The following CTNNA3 variants were observed in gnomAD, a reference collection of about 807,000 sequenced individuals.
The protein encoded by CTNNA3 is catenin alpha-3.
In CTNNA3, 76 loss-of-function variants were observed where a neutral mutation model predicts 95.7. That is an observed-to-expected ratio of 0.79 (90% CI 0.66 to 0.96). The LOEUF (loss-of-function observed/expected upper bound fraction) is 0.96, where lower values mean the gene tolerates loss of function less well. Among genes scored for constraint, CTNNA3 ranks in the 40% least tolerant of loss-of-function variants. CTNNA3 has a pLI of 0.00. For synonymous variants in CTNNA3, 431 were observed against 374.4 expected (o/e 1.15, Z -1.74); for missense variants, 1,191 against 1,089.8 (o/e 1.09, Z -1.31).
chr10:67,403,580 AGGGG>A (rs543103509), intron 5 of CTNNA3, among the ~76,000 whole-genome samples: 217 of 152,324 alleles, frequency 1.4e-3, no homozygotes, highest in African/African-American at 5.0e-3. Flanking sequence ...TGGAGTGCCC[AGGGG>A]GCCAGGTGGG....
chr10:67,280,095 A>G (rs974224520), intron 5 of CTNNA3, among the ~76,000 whole-genome samples: 1 of 150,410 alleles, frequency 6.6e-6, no homozygotes, highest in African/African-American at 2.5e-5. Flanking sequence ...TTTAAATTAA[A>G]GGATATCAAA....
At chr10:66,148,769 G>T (rs1455279766) in intron 13 of CTNNA3, among the ~76,000 whole-genome samples, 2 of 151,976 alleles carry the variant, frequency 1.3e-5, no homozygotes, top group African/African-American at 2.4e-5. Context: ...GCAGGAGCAG[G>T]TTCAGGCTAA....
intron 12 of CTNNA3, among the ~76,000 whole-genome samples, chr10:66,286,755 C>T (rs1012748850): frequency 4.0e-5 from 6 of 151,860 alleles, no homozygotes; most frequent in South Asian, 2.1e-4. Flanking sequence ...GCTGGGGATT[C>T]CTTGGCTGAA....
chr10:66,765,356 A>G (rs1267813485), intron 9 of CTNNA3, among the ~76,000 whole-genome samples: 1 of 152,192 alleles, frequency 6.6e-6, no homozygotes, highest in Non-Finnish European at 1.5e-5. Context: ...AGAATTCATG[A>G]CTGGTATAGG....
chr10:67,323,122 T>C lies in CTNNA3; in HGVS notation c.580-103252A>G, dbSNP rs567249184. Among the ~76,000 whole-genome samples the C allele has an allele frequency of 3.3e-4, 50 of 152,348 alleles. 1 individual carries two copies. In the South Asian group the frequency reaches 9.9e-3, roughly 30 times the overall value. On this transcript the variant is annotated intron_variant, in intron 5 of 17. Coordinates refer to ENST00000433211, the MANE Select transcript of CTNNA3 (RefSeq NM_013266.4). Reference sequence around the variant, plus strand: ...CTTATAAATGTTGGATGTTAGACCTTTGACAGATGCATAGTTTGCTAAAAT... The same window carrying C: ...CTTATAAATGTTGGATGTTAGACCTCTGACAGATGCATAGTTTGCTAAAAT...
intron 13 of CTNNA3, among the ~76,000 whole-genome samples, chr10:66,160,952 A>T (rs1227819592): frequency 1.3e-5 from 2 of 152,046 alleles, no homozygotes. Context: ...TGTCTCTTTT[A>T]ACTGCTGTTG....
intron 11 of CTNNA3, among the ~76,000 whole-genome samples, chr10:66,383,771 A>C (rs1020508634): frequency 7.2e-5 from 11 of 152,232 alleles, no homozygotes; most frequent in Non-Finnish European, 1.2e-4. Context: ...TACAAGCCAG[A>C]AGAGAGTAGG....
intron 17 of CTNNA3, among the ~76,000 whole-genome samples, chr10:65,939,634 C>A (rs985760938): frequency 2.0e-5 from 3 of 152,138 alleles, no homozygotes; most frequent in African/African-American, 7.2e-5. Context: ...TTTTTTGAGT[C>A]TGTCCTATAA....
intron 5 of CTNNA3, among the ~76,000 whole-genome samples, chr10:67,247,690 G>A (rs1865953657): frequency 6.6e-6 from 1 of 152,044 alleles, no homozygotes; most frequent in African/African-American, 2.4e-5. Flanking sequence ...GAAAATGTAA[G>A]GGACTCAGAA....
intron 7 of CTNNA3, among the ~76,000 whole-genome samples, chr10:67,174,553 A>G (rs903449441): frequency 2.0e-5 from 3 of 152,226 alleles, no homozygotes; most frequent in Admixed American, 6.5e-5. Context: ...CAGAAAAATA[A>G]TAGCTGAAAC....
At chr10:67,461,570 G>T (rs1847381631) in intron 5 of CTNNA3, among the ~76,000 whole-genome samples, 2 of 152,030 alleles carry the variant, frequency 1.3e-5, no homozygotes, top group African/African-American at 4.8e-5. Context: ...TCACCAAAAA[G>T]AAATAAATAG....
At chr10:66,370,617 A>T (rs536797815) in intron 12 of CTNNA3, among the ~76,000 whole-genome samples, 1 of 152,240 alleles carries the variant, frequency 6.6e-6, no homozygotes, top group African/African-American at 2.4e-5. Context: ...GCTGGGAAGG[A>T]GCTAAAACTG....
intron 6 of CTNNA3, among the ~76,000 whole-genome samples, chr10:67,216,912 C>T (rs976580529): frequency 1.6e-4 from 24 of 152,164 alleles, no homozygotes; most frequent in African/African-American, 5.6e-4. Context: ...TCTCATTCAG[C>T]CACAAATACA....
intron 5 of CTNNA3, among the ~76,000 whole-genome samples, chr10:67,325,774 C>G (rs1481954459): frequency 6.6e-6 from 1 of 151,970 alleles, no homozygotes; most frequent in Non-Finnish European, 1.5e-5. Context: ...GAGTTCAGGT[C>G]CTGAATATCT....
intron 5 of CTNNA3, among the ~76,000 whole-genome samples, chr10:67,265,002 T>C (rs1014457581): frequency 6.6e-6 from 1 of 152,200 alleles, no homozygotes; most frequent in African/African-American, 2.4e-5. Context: ...ACTACTTTAA[T>C]AGGATTTTCT....
intron 7 of CTNNA3, among the ~76,000 whole-genome samples, chr10:67,056,150 G>C (rs1327571150): frequency 6.6e-6 from 1 of 152,120 alleles, no homozygotes; most frequent in African/African-American, 2.4e-5. Context: ...AATACATACT[G>C]TCGCCCATTC....
At chr10:66,058,861 T>G (rs1207044304) in intron 15 of CTNNA3, among the ~76,000 whole-genome samples, 1 of 152,176 alleles carries the variant, frequency 6.6e-6, no homozygotes, top group African/African-American at 2.4e-5. Context: ...CCAGCCTTTT[T>G]AGAAAATGCA....
chr10:67,657,222 C>A (rs1840050107), intron 1 of CTNNA3, among the ~76,000 whole-genome samples: 1 of 152,048 alleles, frequency 6.6e-6, no homozygotes, highest in Non-Finnish European at 1.5e-5. Context: ...GGAATGGCTG[C>A]AAGAGGAGCA....
chr10:66,978,067 TACACAC>T lies in CTNNA3; in HGVS notation c.1047+202244_1047+202249del, dbSNP rs3056586. 2.7e-3 allele frequency among the ~76,000 whole-genome samples: 306 copies of T among 114,060 alleles called. 1 individual carries two copies. The highest frequency in any genetic ancestry group is 7.1e-3 in the African/African-American group (248 of 34,900). The allele number at this position is 114,060 out of a possible 152,430, so 74.8% of individuals were successfully genotyped here. ...ATTTGCACACACATATATATATATA[TACACAC>T]ACACACACACACACACACATGCGAT... On this transcript the variant is annotated intron_variant, in intron 7 of 17. Transcript: ENST00000433211.
Sources: gnomAD v4.1 joint callset for allele counts (sites outside exome capture counted in the v4.1 genomes callset) on GRCh38, gnomAD v4.1.1 for gene constraint, MANE v1.5 for transcripts, NCBI Gene and HGNC (gene_info 2026-07-23, HGNC 2026-07-21) for gene names.